The following SBF2 variants were observed in gnomAD, a reference collection of about 807,000 sequenced individuals.
The protein encoded by SBF2 is myotubularin-related protein 13.
Under a neutral mutation model 225.2 loss-of-function variants are expected in SBF2, and 112 were observed. That is an observed-to-expected ratio of 0.50 (90% CI 0.43 to 0.58). SBF2 has a LOEUF of 0.58. SBF2 is among the 20% of genes least tolerant of loss of function. The pLI is 0.00. For synonymous variants in SBF2, 763 were observed against 773.3 expected (o/e 0.99, Z 0.22); for missense variants, 1,996 against 2,206.2 (o/e 0.90, Z 1.91).
intron 1 of SBF2, among the ~76,000 whole-genome samples, chr11:10,236,533 C>T (rs529913909): frequency 7.9e-5 from 12 of 152,122 alleles, no homozygotes; most frequent in Admixed American, 2.0e-4. Context: ...GATCTCAGCT[C>T]GCTGCAACCT....
intron 1 of SBF2, among the ~76,000 whole-genome samples, chr11:10,196,876 T>TC (rs1555073580): frequency 2.4e-4 from 28 of 119,108 alleles, no homozygotes; most frequent in African/African-American, 7.6e-4. Flanking sequence ...ATTTTTTTTT[T>TC]CCTACAAAAT....
chr11:9,993,899 A>C, intron 10 of SBF2, 22 bp downstream of exon 10: 2 of 1,452,402 alleles, frequency 1.4e-6, no homozygotes, highest in Non-Finnish European at 1.9e-6. Context: ...ACAGCATTAA[A>C]TTTAAATATT....
Position 9,840,979 on chromosome 11 carries a change from T to C in SBF2, c.3257-1283A>G, listed in dbSNP as rs146748736. ...TCTAACTGGGGAAAAAAAAAATCCA[T>C]GTTAAAAACTGTCCTAATTTACTTC... On this transcript the variant is annotated intron_variant, in intron 25 of 39. Coordinates refer to ENST00000256190, the MANE Select transcript of SBF2 (RefSeq NM_030962.4). Among the ~76,000 whole-genome samples, 479 of 151,850 alleles carry C rather than the reference T, an allele frequency of 3.2e-3. 2 individuals carry two copies. The highest frequency in any genetic ancestry group is 5.2e-3 in the South Asian group (25 of 4,810).
In SBF2 at chr11:9,829,495, AGC is replaced by A; in HGVS notation, c.3653-1_3653del. Reference sequence around the variant, plus strand: ...TGGAAGATTCTAAAGAGGAGGTAGGAGCTATAAAAGGAAAATATATTGAATAA... The same window carrying A: ...TGGAAGATTCTAAAGAGGAGGTAGGATATAAAAGGAAAATATATTGAATAA... On this transcript the variant is annotated splice_acceptor_variant and coding_sequence_variant, in exon 28 of 40. Transcript: ENST00000256190. LOFTEE classifies it high-confidence loss of function. The A allele has an allele frequency of 6.2e-7, 1 of 1,604,670 alleles. No individual in the cohort carries two copies. The highest frequency in any genetic ancestry group is 8.5e-7 in the Non-Finnish European group (1 of 1,171,428).
At chr11:9,926,985 A>G (rs1388647575) in intron 16 of SBF2, among the ~76,000 whole-genome samples, 4 of 152,206 alleles carry the variant, frequency 2.6e-5, no homozygotes, top group Admixed American at 6.5e-5. Context: ...AATAAAATGT[A>G]TAACTCTCTA....
At chr11:9,833,863 G>A (rs1197695743) in intron 26 of SBF2, among the ~76,000 whole-genome samples, 5 of 147,152 alleles carry the variant, frequency 3.4e-5, no homozygotes, top group South Asian at 4.3e-4. Context: ...CTCTGCCTCC[G>A]GGGTTCAAGC....
intron 16 of SBF2, among the ~76,000 whole-genome samples, chr11:9,933,992 G>C (rs909551771): frequency 6.6e-6 from 1 of 152,188 alleles, no homozygotes; most frequent in African/African-American, 2.4e-5. Context: ...TGAGGTAGGA[G>C]AATGGCATGA....
At chr11:9,787,907 A>G in intron 35 of SBF2, 169 bp from the exon 36 acceptor site, 2 of 664,492 alleles carry the variant, frequency 3.0e-6, no homozygotes, top group Non-Finnish European at 5.4e-6. Flanking sequence ...TAGTGGTGAG[A>G]GCTCTAGTTG....
intron 28 of SBF2, among the ~76,000 whole-genome samples, chr11:9,824,734 G>A (rs1214444688): frequency 1.3e-5 from 2 of 152,140 alleles, no homozygotes; most frequent in Non-Finnish European, 2.9e-5. Flanking sequence ...ACAAGATCAG[G>A]TTGTGGGGTG....
intron 1 of SBF2, among the ~76,000 whole-genome samples, chr11:10,288,373 C>T (rs555560731): frequency 3.9e-5 from 6 of 152,342 alleles, no homozygotes; most frequent in Admixed American, 3.3e-4. Context: ...CAGTGGACAG[C>T]TCTTCTCTGT....
At position 9,785,321 on chromosome 11, in the gene SBF2, G is replaced by A; in HGVS notation, c.5038-3C>T. 2 of 1,613,030 alleles carry A rather than the reference G, an allele frequency of 1.2e-6. No homozygotes were observed. Among genetic ancestry groups the A allele is most frequent in the Non-Finnish European group, 1.7e-6 (2 of 1,179,076 alleles). On this transcript the variant is annotated splice_polypyrimidine_tract_variant and splice_region_variant and intron_variant, in intron 36 of 39. Transcript: ENST00000256190. ...GATCTCGACAGGTGTCTTTGGGACT[G>A]AAAAAGACAGGACAGGAGCTAGGAA...
intron 16 of SBF2, among the ~76,000 whole-genome samples, chr11:9,907,471 T>C (rs1862206734): frequency 6.6e-6 from 1 of 152,198 alleles, no homozygotes; most frequent in Non-Finnish European, 1.5e-5. Flanking sequence ...ATTTCTCCCT[T>C]CTTTCCAAGT....
At chr11:10,081,960 A>G (rs925924630) in intron 2 of SBF2, among the ~76,000 whole-genome samples, 3 of 152,070 alleles carry the variant, frequency 2.0e-5, no homozygotes, top group African/African-American at 7.2e-5. Context: ...TGATACTTAG[A>G]AAATATAAAC....
intron 16 of SBF2, among the ~76,000 whole-genome samples, chr11:9,923,059 G>A (rs1481568483): frequency 6.6e-6 from 1 of 152,090 alleles, no homozygotes. Flanking sequence ...ACAGAGTACT[G>A]AAGCAAGTCA....
intron 6 of SBF2, among the ~76,000 whole-genome samples, chr11:10,025,208 T>G (rs918144528): frequency 6.6e-6 from 1 of 152,140 alleles, no homozygotes; most frequent in Non-Finnish European, 1.5e-5. Flanking sequence ...GGATATACTT[T>G]TACTTCTATG....
rs191298962 is a variant in SBF2 at position 10,026,529 on chromosome 11, G to A, written c.619+1923C>T. Among the ~76,000 whole-genome samples, 32 of 152,220 alleles carry A rather than the reference G, an allele frequency of 2.1e-4. No homozygotes were observed. In the East Asian group the frequency reaches 5.2e-3, roughly 25 times the overall value. ...GAGGACTGCTTGAGCCCAGGAGTCTGAGAACAGCCTGGGCAACATGGCGAG... is the reference window on the plus strand; with the variant it reads ...GAGGACTGCTTGAGCCCAGGAGTCTAAGAACAGCCTGGGCAACATGGCGAG... On this transcript the variant is annotated intron_variant, in intron 6 of 39. Transcript: ENST00000256190.
intron 6 of SBF2, among the ~76,000 whole-genome samples, chr11:10,025,846 C>T (rs1443133245): frequency 6.6e-6 from 1 of 152,162 alleles, no homozygotes; most frequent in Non-Finnish European, 1.5e-5. Context: ...AGTGATCCAC[C>T]TGCCTTGGCC....
intron 9 of SBF2, among the ~76,000 whole-genome samples, chr11:9,996,070 A>T (rs182237054): frequency 1.3e-5 from 2 of 152,272 alleles, no homozygotes; most frequent in East Asian, 3.9e-4. Flanking sequence ...AATTTTACAC[A>T]TTGATCAAAT....
At chr11:9,967,319 C>G (rs1866978994) in intron 14 of SBF2, among the ~76,000 whole-genome samples, 1 of 151,460 alleles carries the variant, frequency 6.6e-6, no homozygotes, top group Non-Finnish European at 1.5e-5. Flanking sequence ...TTGCAGTGAG[C>G]CGAGATTGCT....
Sources: gnomAD v4.1 joint callset for allele counts (sites outside exome capture counted in the v4.1 genomes callset) on GRCh38, gnomAD v4.1.1 for gene constraint, MANE v1.5 for transcripts, NCBI Gene and HGNC (gene_info 2026-07-23, HGNC 2026-07-21) for gene names.